Variants in FAM227B observed in about 807,000 individuals in gnomAD.
The protein encoded by FAM227B is family with sequence similarity 227 member B.
A neutral mutation model predicts 73.8 loss-of-function variants in FAM227B; 88 were observed. The observed-to-expected ratio is 1.19, with a 90% confidence interval of 1.00 to 1.42. The LOEUF (loss-of-function observed/expected upper bound fraction) is 1.42. Ranked by LOEUF, FAM227B falls within the 40% of genes most tolerant of loss-of-function variation. FAM227B has a pLI of 0.00. For missense variants in FAM227B, 632 were observed against 590.9 expected (o/e 1.07, Z -0.72); for synonymous variants, 210 against 190.5 (o/e 1.10, Z -0.84).
chr15:49,588,532 T>G (rs2076310443), intron 4 of FAM227B, among the ~76,000 whole-genome samples: 1 of 128,098 alleles, frequency 7.8e-6, no homozygotes, highest in Non-Finnish European at 1.6e-5. Context: ...AGTTCTGATA[T>G]CTACATATTG....
At chr15:49,373,390 T>C (rs966728391) in intron 11 of FAM227B, among the ~76,000 whole-genome samples, 1 of 152,144 alleles carries the variant, frequency 6.6e-6, no homozygotes, top group South Asian at 2.1e-4. Flanking sequence ...AAAATGCCTA[T>C]ATTTATTAGC....
At chr15:49,334,341 C>T (rs2039320563) in intron 14 of FAM227B, 2 of 563,150 alleles carry the variant, frequency 3.6e-6, no homozygotes, top group African/African-American at 2.0e-5. Flanking sequence ...GCAGGCATTA[C>T]TAATTGGGAA....
intron 9 of FAM227B, among the ~76,000 whole-genome samples, chr15:49,566,603 A>G (rs2152346993): frequency 6.6e-6 from 1 of 152,342 alleles, no homozygotes; most frequent in South Asian, 2.1e-4. Context: ...AAATCAGATG[A>G]GTTAATAGTA....
intron 11 of FAM227B, among the ~76,000 whole-genome samples, chr15:49,436,688 A>C (rs1440079429): frequency 6.6e-6 from 1 of 151,520 alleles, no homozygotes; most frequent in Non-Finnish European, 1.5e-5. Flanking sequence ...GAATTAAGTA[A>C]CTTGCTCTAG....
At chr15:49,365,593 T>C in intron 13 of FAM227B, 1 of 975,664 alleles carries the variant, frequency 1.0e-6, no homozygotes, top group Admixed American at 1.7e-5. Flanking sequence ...ACTCTCACCA[T>C]TCTTTGTGAT....
chr15:49,497,955 TA>T (rs2057771772), intron 11 of FAM227B, among the ~76,000 whole-genome samples: 1 of 152,352 alleles, frequency 6.6e-6, no homozygotes, highest in African/African-American at 2.4e-5. Flanking sequence ...GGAAAACAAG[TA>T]AATTTTTGTC....
chr15:49,568,948 A>C (rs2074878816), intron 8 of FAM227B, among the ~76,000 whole-genome samples: 1 of 151,948 alleles, frequency 6.6e-6, no homozygotes, highest in African/African-American at 2.4e-5. Flanking sequence ...GAGTTTCAGA[A>C]GGACTGGTGT....
intron 13 of FAM227B, among the ~76,000 whole-genome samples, chr15:49,336,373 C>T (rs1316895052): frequency 3.3e-5 from 5 of 152,178 alleles, no homozygotes; most frequent in African/African-American, 1.2e-4. Flanking sequence ...TTTGAAGTGG[C>T]AATTGGCCAG....
intron 3 of FAM227B, among the ~76,000 whole-genome samples, chr15:49,599,160 C>T (rs1021308814): frequency 5.3e-5 from 8 of 151,828 alleles, no homozygotes; most frequent in African/African-American, 1.9e-4. Flanking sequence ...TTTTCATGAT[C>T]CAGTCAAGGT....
chr15:49,373,079 ATACT>A (rs1416856683), intron 11 of FAM227B, among the ~76,000 whole-genome samples: 5 of 152,072 alleles, frequency 3.3e-5, no homozygotes, highest in Non-Finnish European at 2.9e-5. Context: ...TACACATATA[ATACT>A]TAATATATAT....
rs1433122453 is a variant in FAM227B at position 49,568,364 on chromosome 15, A to C, written c.646-18T>G. 1 of 1,561,714 alleles carries C rather than the reference A, an allele frequency of 6.4e-7. No individual in the cohort carries two copies. Among genetic ancestry groups the C allele is most frequent in the Non-Finnish European group, 8.8e-7 (1 of 1,140,022 alleles). ...CTGTCAGGCTTAAAAAAATGTGTGA[A>C]ATTAAAGTCAATATTACAATTTAAA... On this transcript the variant is annotated intron_variant, in intron 8 of 15. Coordinates refer to ENST00000299338, the MANE Select transcript of FAM227B (RefSeq NM_152647.3).
chr15:49,544,358 T>C (rs1044713732), intron 9 of FAM227B, among the ~76,000 whole-genome samples: 6 of 152,234 alleles, frequency 3.9e-5, no homozygotes, highest in African/African-American at 1.2e-4. Flanking sequence ...ACTGATTTCA[T>C]ATCCTGAAAC....
At chr15:49,529,895 A>G (rs1353139360) in intron 10 of FAM227B, among the ~76,000 whole-genome samples, 1 of 151,784 alleles carries the variant, frequency 6.6e-6, no homozygotes, top group Non-Finnish European at 1.5e-5. Flanking sequence ...TTATTCACTC[A>G]GCATAATTCT....
chr15:49,478,956 G>A (rs749946548), intron 11 of FAM227B, among the ~76,000 whole-genome samples: 1 of 152,090 alleles, frequency 6.6e-6, no homozygotes, highest in Non-Finnish European at 1.5e-5. Context: ...AGATTTTAGA[G>A]AATTTTTTTA....
intron 13 of FAM227B, among the ~76,000 whole-genome samples, chr15:49,348,759 TG>T (rs1567120510): frequency 1.3e-5 from 2 of 152,236 alleles, no homozygotes. Flanking sequence ...TCAAAAGGTT[TG>T]GCTTTTCCAC....
At chr15:49,514,495 G>A (rs1226050271) in intron 10 of FAM227B, among the ~76,000 whole-genome samples, 1 of 151,972 alleles carries the variant, frequency 6.6e-6, no homozygotes, top group Non-Finnish European at 1.5e-5. Flanking sequence ...AGGAGTTTTG[G>A]GGCTGAGACT....
intron 13 of FAM227B, among the ~76,000 whole-genome samples, chr15:49,355,439 G>A (rs371187055): frequency 6.6e-6 from 1 of 152,216 alleles, no homozygotes; most frequent in East Asian, 1.9e-4. Flanking sequence ...ACTACGTGAA[G>A]AATGCAGAAG....
At chr15:49,521,409 G>A (rs542725932) in intron 10 of FAM227B, among the ~76,000 whole-genome samples, 1 of 152,288 alleles carries the variant, frequency 6.6e-6, no homozygotes, top group East Asian at 1.9e-4. Flanking sequence ...CTAGCAAAAG[G>A]GCAGCAACTA....
intron 9 of FAM227B, among the ~76,000 whole-genome samples, chr15:49,550,569 G>C (rs1482518831): frequency 6.6e-6 from 1 of 151,828 alleles, no homozygotes; most frequent in Non-Finnish European, 1.5e-5. Context: ...CTCAGACGGG[G>C]CGGCTGGGCA....
Sources: gnomAD v4.1 joint callset for allele counts (sites outside exome capture counted in the v4.1 genomes callset) on GRCh38, gnomAD v4.1.1 for gene constraint, MANE v1.5 for transcripts, NCBI Gene and HGNC (gene_info 2026-07-23, HGNC 2026-07-21) for gene names.